SLC7A14: variants seen among roughly 807,000 people sequenced by gnomAD.
The protein encoded by SLC7A14 is gamma-aminobutyric acid transporter SLC7A14.
In SLC7A14, 37 loss-of-function variants were observed where a neutral mutation model predicts 60.2. That is an observed-to-expected ratio of 0.61 (90% CI 0.47 to 0.81). The LOEUF (loss-of-function observed/expected upper bound fraction) is 0.81. Ranked by LOEUF, SLC7A14 falls within the 30% of genes least tolerant of loss-of-function variation. SLC7A14 has a pLI of 0.00. For missense variants in SLC7A14, 886 were observed against 982.7 expected (o/e 0.90, Z 1.32); for synonymous variants, 399 against 395.8 (o/e 1.01, Z -0.10).
At chr3:170,530,420 T>G (rs1713640138) in intron 1 of SLC7A14, among the ~76,000 whole-genome samples, 1 of 152,146 alleles carries the variant, frequency 6.6e-6, no homozygotes, top group Admixed American at 6.5e-5. Context: ...TGAGGCAAAG[T>G]AGGCCGGGAG....
rs765698371 is a variant in SLC7A14, at chr3:170,526,814, G to A, written c.123C>T (p.Thr41=). 6 of 1,614,206 alleles carry A rather than the reference G, an allele frequency of 3.7e-6. No homozygotes were observed. The highest frequency in any genetic ancestry group is 1.3e-5 in the African/African-American group (1 of 75,070). ...CTAGCTTAGTTCCATGTGCCGTGGTGGTCCCAGTTCCCTCTAGCATGGACT... is the reference window on the plus strand; with the variant it reads ...CTAGCTTAGTTCCATGTGCCGTGGTAGTCCCAGTTCCCTCTAGCATGGACT... The part of the protein sequence containing the change: ...PVESMLEGTG[T]TTAHGTKLAQ... Residue 41 remains threonine, a synonymous_variant, in exon 2 of 8, where the codon ACC becomes ACT. Coordinates refer to ENST00000231706, the MANE Select transcript of SLC7A14 (RefSeq NM_020949.3).
intron 2 of SLC7A14, among the ~76,000 whole-genome samples, chr3:170,518,161 A>G (rs1018832364): frequency 6.6e-6 from 1 of 151,928 alleles, no homozygotes; most frequent in Non-Finnish European, 1.5e-5. Context: ...CTCCCTCCAC[A>G]GGGTTGATGA....
At chr3:170,580,266 T>A (rs1715201233) in intron 1 of SLC7A14, among the ~76,000 whole-genome samples, 1 of 152,252 alleles carries the variant, frequency 6.6e-6, no homozygotes, top group Admixed American at 6.5e-5. Flanking sequence ...GCTATTAGGA[T>A]TTGTTTCAAA....
At chr3:170,576,720 T>C (rs543548752) in intron 1 of SLC7A14, among the ~76,000 whole-genome samples, 1 of 152,172 alleles carries the variant, frequency 6.6e-6, no homozygotes, top group Non-Finnish European at 1.5e-5. Flanking sequence ...GGGGGTGGAG[T>C]GCTATTGGCA....
intron 4 of SLC7A14, among the ~76,000 whole-genome samples, chr3:170,492,501 C>T (rs1417313996): frequency 6.6e-6 from 1 of 151,774 alleles, no homozygotes; most frequent in Non-Finnish European, 1.5e-5. Flanking sequence ...TGAGACTCTG[C>T]CTCAAAAAAA....
At chr3:170,541,591 T>C (rs1714016650) in intron 1 of SLC7A14, among the ~76,000 whole-genome samples, 1 of 152,170 alleles carries the variant, frequency 6.6e-6, no homozygotes, top group South Asian at 2.1e-4. Flanking sequence ...GAGCAAGACC[T>C]TGTCTCCAAA....
At chr3:170,547,840 C>T (rs573531394) in intron 1 of SLC7A14, among the ~76,000 whole-genome samples, 1 of 152,244 alleles carries the variant, frequency 6.6e-6, no homozygotes, top group East Asian at 1.9e-4. Flanking sequence ...TTATGTACAA[C>T]GATGGTTTAA....
chr3:170,564,775 G>T (rs532863415), intron 1 of SLC7A14, among the ~76,000 whole-genome samples: 1 of 152,156 alleles, frequency 6.6e-6, no homozygotes, highest in Non-Finnish European at 1.5e-5. Context: ...ATATTAAAAC[G>T]CAGTGTTGTC....
At chr3:170,530,332 G>C (rs149843675) in intron 1 of SLC7A14, among the ~76,000 whole-genome samples, 79 of 152,298 alleles carry the variant, frequency 5.2e-4, no homozygotes, top group Middle Eastern at 3.4e-3. Flanking sequence ...ATCTAAGTGA[G>C]ACTGGTATGG....
intron 4 of SLC7A14, chr3:170,496,680 C>G: frequency 3.7e-6 from 4 of 1,067,492 alleles, no homozygotes; most frequent in Non-Finnish European, 5.8e-6. Context: ...GGAAGACCAC[C>G]AGCGGCTATG....
At chr3:170,487,894 G>A (rs1712086057) in intron 4 of SLC7A14, among the ~76,000 whole-genome samples, 1 of 152,084 alleles carries the variant, frequency 6.6e-6, no homozygotes, top group Non-Finnish European at 1.5e-5. Context: ...CAATACCTGT[G>A]CCTGTGTCAC....
At chr3:170,510,014 G>A (rs1001764130) in intron 2 of SLC7A14, among the ~76,000 whole-genome samples, 6 of 150,156 alleles carry the variant, frequency 4.0e-5, no homozygotes, top group Non-Finnish European at 7.4e-5. Flanking sequence ...GGAGGCAGAG[G>A]ATGCAGTGAG....
intron 1 of SLC7A14, among the ~76,000 whole-genome samples, chr3:170,569,457 T>C (rs1013254719): frequency 3.3e-5 from 5 of 151,880 alleles, no homozygotes; most frequent in Non-Finnish European, 7.4e-5. Flanking sequence ...ATCAAGGATA[T>C]TGGTCTAAAA....
intron 1 of SLC7A14, among the ~76,000 whole-genome samples, chr3:170,531,910 A>G (rs1242478116): frequency 6.6e-6 from 1 of 152,232 alleles, no homozygotes; most frequent in African/African-American, 2.4e-5. Context: ...TGATGATAAA[A>G]GCAGGTTTGT....
At chr3:170,494,783 G>A (rs771437117) in intron 4 of SLC7A14, among the ~76,000 whole-genome samples, 3 of 152,210 alleles carry the variant, frequency 2.0e-5, no homozygotes, top group Non-Finnish European at 4.4e-5. Flanking sequence ...ATCTCTTAAT[G>A]TTCCTCCAAG....
intron 4 of SLC7A14, among the ~76,000 whole-genome samples, chr3:170,498,134 CT>C (rs1434241623): frequency 6.6e-6 from 1 of 152,150 alleles, no homozygotes; most frequent in Non-Finnish European, 1.5e-5. Context: ...CCTTTATTGC[CT>C]TGTGTATTTA....
chr3:170,483,664 C>T, intron 5 of SLC7A14, 142 bp from the exon 6 acceptor site: 1 of 826,454 alleles, frequency 1.2e-6, no homozygotes, highest in Non-Finnish European at 1.9e-6. Flanking sequence ...TGGCATGTGC[C>T]TTTACTGTAG....
At chr3:170,524,106 C>G (rs1342293899) in intron 2 of SLC7A14, among the ~76,000 whole-genome samples, 1 of 152,046 alleles carries the variant, frequency 6.6e-6, no homozygotes, top group African/African-American at 2.4e-5. Context: ...TGGTGAAGGC[C>G]TCAATTACTG....
intron 2 of SLC7A14, 76 bp from the exon 3 acceptor site, chr3:170,501,421 GA>G (rs1278361545): frequency 8.3e-7 from 1 of 1,210,042 alleles, no homozygotes; most frequent in Non-Finnish European, 1.2e-6. Context: ...ATCTTGGGTG[GA>G]ACATACTGAG....
Sources: allele counts gnomAD v4.1 joint callset (sites outside exome capture counted in the v4.1 genomes callset), GRCh38; gene constraint gnomAD v4.1.1; transcripts MANE v1.5; gene names NCBI Gene and HGNC (gene_info 2026-07-23, HGNC 2026-07-21).